Variants in CCL17 observed in about 807,000 individuals in gnomAD.
CCL17 encodes the protein C-C motif chemokine ligand 17.
Under a neutral mutation model 7.4 loss-of-function variants are expected in CCL17, and 8 were observed. That is an observed-to-expected ratio of 1.09 (90% CI 0.64 to 1.96). CCL17 has a LOEUF of 1.96. CCL17 is among the 30% of genes most tolerant of loss of function. The pLI, the probability that CCL17 is intolerant of heterozygous loss-of-function variation, is 0.00. For synonymous variants in CCL17, 40 were observed against 46.1 expected (o/e 0.87, Z 0.54); for missense variants, 102 against 113.0 (o/e 0.90, Z 0.44).
Position 57,415,918 on chromosome 16 carries a change from T to C in CCL17, c.*57T>C. The C allele has an allele frequency of 8.2e-7, 1 of 1,218,336 alleles. No homozygotes were observed. Among genetic ancestry groups the C allele is most frequent in the Middle Eastern group, 1.9e-4 (1 of 5,212 alleles). The allele number at this position is 1,218,336 out of a possible 1,614,324, so 75.5% of individuals were successfully genotyped here. On this transcript the variant is annotated 3_prime_UTR_variant, in exon 4 of 4. Coordinates refer to ENST00000219244, the MANE Select transcript of CCL17 (RefSeq NM_002987.3). This position sits in a 1 kb window ranked among gnomAD's most constrained non-coding sequence, Gnocchi z 4.5. The stretch of plus-strand genomic sequence containing the variant: ...CCGGGACTACCTGGGACCTCCACCG[T>C]TGGTGTTCACCGCCCCCACCCTGAG...
chr16:57,414,773 C>T (rs934723765), intron 2 of CCL17, among the ~76,000 whole-genome samples: 2 of 151,976 alleles, frequency 1.3e-5, no homozygotes, highest in Admixed American at 6.6e-5. Context: ...TACAGGGACG[C>T]GCACAGATGC....
Position 57,415,880 on chromosome 16 carries a change from T to C in CCL17, c.*19T>C, listed in dbSNP as rs369498202. On this transcript the variant is annotated 3_prime_UTR_variant, in exon 4 of 4. Coordinates refer to ENST00000219244, the MANE Select transcript of CCL17 (RefSeq NM_002987.3). This position sits in a 1 kb window ranked among gnomAD's most constrained non-coding sequence, Gnocchi z 4.5. ...GTCTTGAAGCCTCCTCACCCCAGAC[T>C]CCTGACTGTCTCCCGGGACTACCTG... 1.5e-5 allele frequency: 23 copies of C among 1,487,086 alleles called. No individual in the cohort carries two copies. In the African/African-American group the frequency reaches 2.4e-4, roughly 15 times the overall value. 92.1% of individuals were successfully genotyped at this position (1,487,086 alleles called of 1,614,324 possible).
chr16:57,402,909 C>A (rs1254540998), upstream of CCL17, among the ~76,000 whole-genome samples: 1 of 149,092 alleles, frequency 6.7e-6, no homozygotes, highest in Non-Finnish European at 1.5e-5. Context: ...CTGTCCCATG[C>A]AACTTACATC....
chr16:57,415,072 T>C lies in CCL17; in HGVS notation c.71-9T>C. 1.3e-6 allele frequency: 2 copies of C among 1,594,696 alleles called. No homozygotes were observed. The highest frequency in any genetic ancestry group is 1.7e-6 in the Non-Finnish European group (2 of 1,162,536). On this transcript the variant is annotated splice_polypyrimidine_tract_variant and intron_variant, in intron 2 of 3. Coordinates refer to ENST00000219244, the MANE Select transcript of CCL17 (RefSeq NM_002987.3). This position sits in a 1 kb window ranked among gnomAD's most constrained non-coding sequence, Gnocchi z 4.5. ...CACAGACACCCCTGCCCCGCTCCTC[T>C]CCCTGCAGCTCGAGGGACCAATGTG...
upstream of CCL17, among the ~76,000 whole-genome samples, chr16:57,400,777 T>C (rs1902581154): frequency 6.6e-6 from 1 of 152,068 alleles, no homozygotes; most frequent in Non-Finnish European, 1.5e-5. Context: ...CAGACCAGCC[T>C]GGCCAGCATG....
Position 57,415,197 on chromosome 16 carries a change from G to C in CCL17, c.187G>C (p.Val63Leu), listed in dbSNP as rs372506960. ...TGAGGACTGCTCCAGGGATGCCATC[G>C]TGTAAGTCCCCCTGGCTCCACCCCT... ...TSEDCSRDAIVFVTVQGRAIC... is the reference protein window; with the variant it reads ...TSEDCSRDAILFVTVQGRAIC... The change falls in exon 3 of 4, where the codon GTT (valine) becomes CTT (leucine). Residue 63 changes from valine (V) to leucine (L), a missense_variant and splice_region_variant. By Grantham distance (32) the Val-to-Leu change is conservative. Transcript: ENST00000219244. The surrounding 1 kb of genome is among the most constrained non-coding windows in gnomAD (Gnocchi z 4.5). The C allele has an allele frequency of 1.3e-6, 2 of 1,589,938 alleles. No individual in the cohort carries two copies. The highest frequency in any genetic ancestry group is 2.2e-5 in the East Asian group (1 of 44,774).
chr16:57,411,490 C>T (rs1358878244), intron 1 of CCL17, among the ~76,000 whole-genome samples: 1 of 152,240 alleles, frequency 6.6e-6, no homozygotes, highest in East Asian at 1.9e-4. Flanking sequence ...GCGAAGAGGA[C>T]TCAGAACCCA....
chr16:57,412,080 T>C (rs1440337007), intron 1 of CCL17, among the ~76,000 whole-genome samples: 1 of 152,170 alleles, frequency 6.6e-6, no homozygotes, highest in Non-Finnish European at 1.5e-5. Context: ...AGCAGAGGAA[T>C]GTTGGTGCGA....
chr16:57,409,042 T>G (rs938981639), intron 1 of CCL17, among the ~76,000 whole-genome samples: 4 of 152,162 alleles, frequency 2.6e-5, no homozygotes, highest in Non-Finnish European at 5.9e-5. Context: ...CCCACTAAGG[T>G]GCTAAGTCCT....
At chr16:57,400,670 A>C (rs1380461014), upstream of CCL17, among the ~76,000 whole-genome samples, 1 of 152,078 alleles carries the variant, frequency 6.6e-6, no homozygotes, top group Non-Finnish European at 1.5e-5. Flanking sequence ...GCACAGAGAG[A>C]TTCAGAAATT....
chr16:57,396,929 T>C, the CCL17 span, among the ~76,000 whole-genome samples: 1 of 152,152 alleles, frequency 6.6e-6, no homozygotes, highest in Non-Finnish European at 1.5e-5. Context: ...AGGTTGGAAA[T>C]GTAAGAGTGT....
chr16:57,414,992 T>G (rs1212905106), intron 2 of CCL17, 89 bp from the exon 3 acceptor site: 9 of 807,746 alleles, frequency 1.1e-5, no homozygotes, highest in Admixed American at 3.4e-5. Flanking sequence ...GACACGCACA[T>G]GCAGATCTTC....
At chr16:57,402,721 CAG>C (rs1342630899), upstream of CCL17, among the ~76,000 whole-genome samples, 5 of 152,102 alleles carry the variant, frequency 3.3e-5, no homozygotes, top group Non-Finnish European at 7.4e-5. Context: ...GCCCAGGCAT[CAG>C]AGAGACATTG....
chr16:57,409,858 A>T (rs1179560998), intron 1 of CCL17, among the ~76,000 whole-genome samples: 2 of 152,202 alleles, frequency 1.3e-5, no homozygotes, highest in Non-Finnish European at 2.9e-5. Flanking sequence ...CTCACATCTC[A>T]GCTGAGCTGG....
At position 57,415,545 on chromosome 16, in the gene CCL17, G is replaced by A. The variant is rs796226724; in HGVS notation, c.189-220G>A. Among the ~76,000 whole-genome samples, 8 of 152,336 alleles carry A rather than the reference G, an allele frequency of 5.3e-5. No individual in the cohort carries two copies. Among genetic ancestry groups the A allele is most frequent in the African/African-American group, 1.9e-4 (8 of 41,578 alleles). On this transcript the variant is annotated intron_variant, in intron 3 of 3. Transcript: ENST00000219244. The surrounding 1 kb of genome is among the most constrained non-coding windows in gnomAD (Gnocchi z 4.5). ...TCTGGGGGCATGGGCAGGCTGAGGG[G>A]TGGGCACAAGTTCCTGCAGCCCTGG...
chr16:57,410,706 G>T (rs749119467), intron 1 of CCL17, among the ~76,000 whole-genome samples: 20 of 152,208 alleles, frequency 1.3e-4, no homozygotes, highest in Non-Finnish European at 2.2e-4. Context: ...ACTGAGGAGG[G>T]ATAAACTCGG....
intron 1 of CCL17, among the ~76,000 whole-genome samples, chr16:57,410,860 G>A (rs1013664240): frequency 2.6e-5 from 4 of 152,202 alleles, no homozygotes; most frequent in African/African-American, 9.7e-5. Flanking sequence ...TGACACTGAA[G>A]GTTCACTGCA....
chr16:57,396,953 C>T, the CCL17 span, among the ~76,000 whole-genome samples: 1 of 152,236 alleles, frequency 6.6e-6, no homozygotes, highest in South Asian at 2.1e-4. Context: ...AGCTGGATTG[C>T]GAAGCTTTGG....
In CCL17 at chr16:57,415,697, G is replaced by A; in HGVS notation, c.189-68G>A. On this transcript the variant is annotated intron_variant, in intron 3 of 3. Transcript: ENST00000219244. This position sits in a 1 kb window ranked among gnomAD's most constrained non-coding sequence, Gnocchi z 4.5. ...TTGGAATCCTGGTCAGCACAGGGCGGGCCGTCCCAGGGACTCTGGGGGCCC... is the reference window on the plus strand; with the variant it reads ...TTGGAATCCTGGTCAGCACAGGGCGAGCCGTCCCAGGGACTCTGGGGGCCC... 3 of 985,648 alleles carry A rather than the reference G, an allele frequency of 3.0e-6. No individual in the cohort carries two copies. The highest frequency in any genetic ancestry group is 3.9e-5 in the African/African-American group (2 of 51,786). 61.1% of individuals were successfully genotyped at this position (985,648 alleles called of 1,614,324 possible).
Sources: gnomAD v4.1 joint callset for allele counts (sites outside exome capture counted in the v4.1 genomes callset) on GRCh38, gnomAD v4.1.1 for gene constraint, Gnocchi (gnomAD v3.1) non-coding constraint, MANE v1.5 for transcripts, NCBI Gene and HGNC (gene_info 2026-07-23, HGNC 2026-07-21) for gene names.